The following AUH variants were observed in gnomAD, a reference collection of about 807,000 sequenced individuals.
AUH encodes methylglutaconyl-CoA hydratase, mitochondrial.
Under a neutral mutation model 42.3 loss-of-function variants are expected in AUH, and 29 were observed. That is an observed-to-expected ratio of 0.69 (90% CI 0.51 to 0.93). The LOEUF is 0.93. Ranked by LOEUF, AUH falls within the 40% of genes least tolerant of loss-of-function variation. The pLI is 0.00. For missense variants in AUH, 452 were observed against 438.1 expected (o/e 1.03, Z -0.28); for synonymous variants, 174 against 166.4 (o/e 1.05, Z -0.35).
intron 6 of AUH, among the ~76,000 whole-genome samples, chr9:91,263,962 T>C (rs887338376): frequency 6.6e-6 from 1 of 152,220 alleles, no homozygotes; most frequent in South Asian, 2.1e-4. Flanking sequence ...TTCTCACTGA[T>C]ACTGGAGCCA....
At position 91,314,616 on chromosome 9, in the gene AUH, G is replaced by A. The variant is rs767386548; in HGVS notation, c.505+10702C>T. Among the ~76,000 whole-genome samples the A allele has an allele frequency of 2.0e-4, 30 of 151,192 alleles. 1 individual carries two copies. The highest frequency in any genetic ancestry group is 2.9e-4 in the African/African-American group (12 of 41,062). Reference sequence around the variant, plus strand: ...AAAATTCTAAGCCCCTCAACCAACTGAACTGACCTTCTTTTGGCCAAGGGG... The same window carrying A: ...AAAATTCTAAGCCCCTCAACCAACTAAACTGACCTTCTTTTGGCCAAGGGG... On this transcript the variant is annotated intron_variant, in intron 4 of 9. Coordinates refer to ENST00000375731, the MANE Select transcript of AUH (RefSeq NM_001698.3).
intron 6 of AUH, among the ~76,000 whole-genome samples, chr9:91,250,890 G>C (rs1473003721): frequency 6.6e-6 from 1 of 152,162 alleles, no homozygotes; most frequent in Non-Finnish European, 1.5e-5. Context: ...TTCTGCTCTA[G>C]AGGACTTCTA....
intron 4 of AUH, among the ~76,000 whole-genome samples, chr9:91,314,623 C>A (rs892953249): frequency 6.6e-6 from 1 of 151,716 alleles, no homozygotes; most frequent in African/African-American, 2.4e-5. Context: ...ACTGAACTGA[C>A]CTTCTTTTGG....
At chr9:91,337,965 C>T (rs1830813445) in intron 3 of AUH, among the ~76,000 whole-genome samples, 1 of 152,142 alleles carries the variant, frequency 6.6e-6, no homozygotes, top group African/African-American at 2.4e-5. Context: ...AGCACTAGAT[C>T]CTCAATAAGA....
intron 6 of AUH, among the ~76,000 whole-genome samples, chr9:91,230,824 C>CA (rs1244800065): frequency 1.3e-5 from 2 of 152,310 alleles, no homozygotes; most frequent in South Asian, 4.1e-4. Context: ...TGTGAGGTAT[C>CA]AGTGTGCCCC....
In AUH at chr9:91,227,308, G is replaced by A. The variant is rs199841572; in HGVS notation, c.656-6316C>T. Among the ~76,000 whole-genome samples the A allele has an allele frequency of 0.022, 2,847 of 129,854 alleles. 184 individuals are homozygous for A. The East Asian group carries it at 0.22, about 10-fold the overall frequency. 85.2% of individuals were successfully genotyped at this position (129,854 alleles called of 152,430 possible). ...GATTCCTAGGTATTTTATTCTCTTT[G>A]AAGCAATTGTGAATGGGAGTTCACT... On this transcript the variant is annotated intron_variant, in intron 6 of 9. Coordinates refer to ENST00000375731, the MANE Select transcript of AUH (RefSeq NM_001698.3).
chr9:91,251,041 A>G, intron 6 of AUH, among the ~76,000 whole-genome samples: 1 of 152,204 alleles, frequency 6.6e-6, no homozygotes, highest in Non-Finnish European at 1.5e-5. Flanking sequence ...GCTGCAGCAG[A>G]AGAGATAGGG....
intron 6 of AUH, 132 bp downstream of exon 6, chr9:91,295,889 G>T (rs781396625): frequency 4.0e-6 from 4 of 1,004,372 alleles, no homozygotes; most frequent in Non-Finnish European, 6.2e-6. Flanking sequence ...TGGGGACTTT[G>T]CTAGGGATGC....
intron 6 of AUH, among the ~76,000 whole-genome samples, chr9:91,254,016 G>A (rs1401037063): frequency 6.6e-6 from 1 of 152,198 alleles, no homozygotes; most frequent in East Asian, 1.9e-4. Flanking sequence ...AACTAATTAC[G>A]ATGGAAATAA....
At chr9:91,226,423 T>C (rs1427235314) in intron 6 of AUH, among the ~76,000 whole-genome samples, 1 of 150,696 alleles carries the variant, frequency 6.6e-6, no homozygotes, top group Non-Finnish European at 1.5e-5. Flanking sequence ...GTAAATTTGT[T>C]TGAGTTCATT....
intron 6 of AUH, among the ~76,000 whole-genome samples, chr9:91,277,027 A>T (rs1254439549): frequency 6.6e-6 from 1 of 152,046 alleles, no homozygotes; most frequent in Non-Finnish European, 1.5e-5. Context: ...CTCCACAAAA[A>T]TTTTTTTAAA....
intron 7 of AUH, among the ~76,000 whole-genome samples, chr9:91,217,640 G>A (rs1379909219): frequency 6.6e-6 from 1 of 152,188 alleles, no homozygotes; most frequent in African/African-American, 2.4e-5. Context: ...AAGTTAAGTA[G>A]AGGAAGGAAA....
At chr9:91,224,255 CT>C (rs1827304532) in intron 6 of AUH, among the ~76,000 whole-genome samples, 1 of 152,150 alleles carries the variant, frequency 6.6e-6, no homozygotes, top group Non-Finnish European at 1.5e-5. Flanking sequence ...CATATATTGT[CT>C]TTGGAGAAAT....
chr9:91,264,036 T>C (rs1196298379), intron 6 of AUH, among the ~76,000 whole-genome samples: 1 of 152,140 alleles, frequency 6.6e-6, no homozygotes, highest in Non-Finnish European at 1.5e-5. Context: ...TCCTATAACA[T>C]CAAGATTATA....
intron 6 of AUH, among the ~76,000 whole-genome samples, chr9:91,271,262 A>G (rs1197046192): frequency 2.6e-5 from 4 of 152,250 alleles, no homozygotes; most frequent in Non-Finnish European, 4.4e-5. Context: ...CAAATTCAAT[A>G]GAAAAGAGCA....
intron 3 of AUH, among the ~76,000 whole-genome samples, chr9:91,347,288 C>G (rs1831590023): frequency 6.6e-6 from 1 of 152,120 alleles, no homozygotes; most frequent in African/African-American, 2.4e-5. Flanking sequence ...TGGTCTCAAA[C>G]TCAAGCCATC....
intron 6 of AUH, among the ~76,000 whole-genome samples, chr9:91,259,130 A>G (rs1425051416): frequency 6.6e-6 from 1 of 152,210 alleles, no homozygotes. Flanking sequence ...TGAACTCACT[A>G]GTGAAGCTAT....
chr9:91,266,792 G>C (rs1444650635), intron 6 of AUH, among the ~76,000 whole-genome samples: 1 of 152,154 alleles, frequency 6.6e-6, no homozygotes, highest in African/African-American at 2.4e-5. Flanking sequence ...GGCACATAAA[G>C]GAACAGGCTC....
At chr9:91,326,802 T>C (rs1260892390) in intron 3 of AUH, among the ~76,000 whole-genome samples, 1 of 152,210 alleles carries the variant, frequency 6.6e-6, no homozygotes, top group Non-Finnish European at 1.5e-5. Flanking sequence ...GAATGCCTGA[T>C]ACATGTCTTT....
Sources: allele counts gnomAD v4.1 joint callset (sites outside exome capture counted in the v4.1 genomes callset), GRCh38; gene constraint gnomAD v4.1.1; transcripts MANE v1.5; gene names NCBI Gene and HGNC (gene_info 2026-07-23, HGNC 2026-07-21).